The following PBX1 variants were observed in gnomAD, a reference collection of about 807,000 sequenced individuals.
PBX1 encodes the protein PBX homeobox 1, also known as pre-B-cell leukemia transcription factor 1.
A neutral mutation model predicts 53.4 loss-of-function variants in PBX1; 6 were observed. That is an observed-to-expected ratio of 0.11 (90% confidence interval 0.06 to 0.22). The LOEUF is 0.22. Ranked by LOEUF, PBX1 falls within the 10% of genes least tolerant of loss-of-function variation. PBX1 has a pLI of 1.00. For missense variants in PBX1, 251 were observed against 551.4 expected (o/e 0.46, Z 5.46); for synonymous variants, 204 against 212.3 (o/e 0.96, Z 0.34).
At chr1:164,858,554 G>A (rs1672026143) in intron 2 of PBX1, among the ~76,000 whole-genome samples, 1 of 152,038 alleles carries the variant, frequency 6.6e-6, no homozygotes, top group African/African-American at 2.4e-5. Context: ...TGTGGTAGGG[G>A]TCTCAAGCCT....
rs537270912 is a variant in PBX1, at chr1:164,653,417, A to G, written c.265+90106A>G. On this transcript the variant is annotated intron_variant, in intron 2 of 8. Transcript: ENST00000420696. ...TACAATTTTTTTATAAGCGTTTTAG[A>G]GCACATGGGTGATGGCCTGGCTCCC... Among the ~76,000 whole-genome samples the G allele has an allele frequency of 3.6e-3, 553 of 151,738 alleles. 3 individuals carry two copies. Among genetic ancestry groups the G allele is most frequent in the African/African-American group, 0.012 (503 of 41,374 alleles).
Position 164,846,853 on chromosome 1 carries a change from T to C in PBX1, c.*177T>C. On this transcript the variant is annotated 3_prime_UTR_variant, in exon 9 of 9. Coordinates refer to ENST00000420696, the MANE Select transcript of PBX1 (RefSeq NM_002585.4). ...TGCTATTTCAGCCAATCTGGACACT[T>C]CTTTATACTCTCTTCCCTTTTTTTT... The C allele has an allele frequency of 7.0e-7, 1 of 1,426,970 alleles. No homozygotes were observed. 88.4% of individuals were successfully genotyped at this position (1,426,970 alleles called of 1,614,324 possible). A position where few individuals can be genotyped will look rare whatever the true frequency, so the allele number is the denominator to read the frequency against.
chr1:164,786,414 C>T lies in PBX1; in HGVS notation c.266-6080C>T, dbSNP rs115997108. On this transcript the variant is annotated intron_variant, in intron 2 of 8. Coordinates refer to ENST00000420696, the MANE Select transcript of PBX1 (RefSeq NM_002585.4). ...TCATTTTCGGCTCTTCTCGTCAGGG[C>T]AGATTTCATGAAGGATTTTGAGCTG... is the stretch of plus-strand genomic sequence containing the variant. 6.1e-3 allele frequency among the ~76,000 whole-genome samples: 927 copies of T among 152,062 alleles called. 8 individuals carry two copies. Among genetic ancestry groups the T allele is most frequent in the African/African-American group, 0.021 (888 of 41,466 alleles).
intron 2 of PBX1, among the ~76,000 whole-genome samples, chr1:164,739,831 A>T (rs1665510220): frequency 6.6e-6 from 1 of 151,778 alleles, no homozygotes; most frequent in South Asian, 2.1e-4. Flanking sequence ...CATTTGTCTG[A>T]GAACTCTTTT....
intron 2 of PBX1, among the ~76,000 whole-genome samples, chr1:164,737,606 A>G (rs757408219): frequency 1.4e-4 from 21 of 151,878 alleles, no homozygotes; most frequent in Non-Finnish European, 2.2e-4. Context: ...AGCCTCCTGA[A>G]TAGCTGGGAC....
chr1:164,637,776 C>T (rs1476455328), intron 2 of PBX1, among the ~76,000 whole-genome samples: 1 of 152,152 alleles, frequency 6.6e-6, no homozygotes, highest in East Asian at 1.9e-4. Context: ...CACTAAATGG[C>T]AGATCCTGGG....
At chr1:164,687,590 A>G (rs932180418) in intron 2 of PBX1, among the ~76,000 whole-genome samples, 8 of 149,200 alleles carry the variant, frequency 5.4e-5, no homozygotes, top group African/African-American at 1.5e-4. Context: ...AAAAGGAAAT[A>G]GTTTAGTGTC....
At chr1:164,568,772 T>C (rs1260043721) in intron 2 of PBX1, among the ~76,000 whole-genome samples, 1 of 152,226 alleles carries the variant, frequency 6.6e-6, no homozygotes, top group African/African-American at 2.4e-5. Context: ...TCTCTGGTTG[T>C]ATCTTTGCCC....
intron 8 of PBX1, among the ~76,000 whole-genome samples, chr1:164,824,018 C>T (rs1670296252): frequency 6.6e-6 from 1 of 151,904 alleles, no homozygotes; most frequent in Non-Finnish European, 1.5e-5. Context: ...GGAGGGGAGA[C>T]AAGAAGAGAC....
chr1:164,600,051 T>G (rs1218905881), intron 2 of PBX1, among the ~76,000 whole-genome samples: 1 of 152,118 alleles, frequency 6.6e-6, no homozygotes. Flanking sequence ...GTCCTAATGT[T>G]GAGTACTTTA....
intron 2 of PBX1, among the ~76,000 whole-genome samples, chr1:164,599,324 C>G (rs894088542): frequency 6.6e-6 from 1 of 151,976 alleles, no homozygotes; most frequent in Non-Finnish European, 1.5e-5. Context: ...AGATTCTGAG[C>G]TTGACCTTCC....
intron 2 of PBX1, among the ~76,000 whole-genome samples, chr1:164,579,329 C>T (rs1004337204): frequency 6.6e-6 from 1 of 151,298 alleles, no homozygotes; most frequent in African/African-American, 2.5e-5. Flanking sequence ...TTAGCGTCAT[C>T]TTTCACTTTC....
chr1:164,807,605 T>C lies in PBX1; in HGVS notation c.765T>C (p.His255=), dbSNP rs751981086. The C allele has an allele frequency of 6.2e-7, 1 of 1,614,148 alleles. No individual in the cohort carries two copies. The highest frequency in any genetic ancestry group is 1.1e-5 in the South Asian group (1 of 91,078). The part of the protein sequence containing the change: ...TEILNEYFYS[H]LSNPYPSEEA... ...TCCTGAATGAATATTTCTATTCCCA[T>C]CTCAGCAACCCTTACCCCAGTGAGG... Residue 255 remains histidine (H), a synonymous_variant, in exon 5 of 9, where the codon CAT becomes CAC. Coordinates refer to ENST00000420696, the MANE Select transcript of PBX1 (RefSeq NM_002585.4).
chr1:164,725,111 C>G (rs561150194), intron 2 of PBX1, among the ~76,000 whole-genome samples: 1 of 152,110 alleles, frequency 6.6e-6, no homozygotes, highest in East Asian at 1.9e-4. Context: ...CCCCCACCCC[C>G]TTCCTGCATC....
chr1:164,666,791 AAAT>A (rs1660834421), intron 2 of PBX1, among the ~76,000 whole-genome samples: 1 of 152,208 alleles, frequency 6.6e-6, no homozygotes, highest in Admixed American at 6.5e-5. Flanking sequence ...AAAGTAGTAA[AAAT>A]AAATAATAAT....
At chr1:164,659,783 G>A (rs1304149061) in intron 2 of PBX1, among the ~76,000 whole-genome samples, 2 of 152,220 alleles carry the variant, frequency 1.3e-5, no homozygotes, top group Non-Finnish European at 2.9e-5. Context: ...TACTACAGAT[G>A]CCTCAGAGGT....
chr1:164,585,127 A>C (rs1315743327), intron 2 of PBX1, among the ~76,000 whole-genome samples: 3 of 152,192 alleles, frequency 2.0e-5, no homozygotes, highest in African/African-American at 7.2e-5. Context: ...GAAAGAATGG[A>C]ATGGACATCT....
At chr1:164,665,224 G>A (rs1312522725) in intron 2 of PBX1, among the ~76,000 whole-genome samples, 7 of 152,040 alleles carry the variant, frequency 4.6e-5, no homozygotes, top group Admixed American at 6.6e-5. Context: ...AAATAAAAAA[G>A]TATTAAACAT....
rs149252463 is a variant in PBX1, at chr1:164,871,090, G to A, written n.258-28098G>A. The stretch of plus-strand genomic sequence containing the variant: ...AAGTCAGCCAAAGACAGAGGGGAAG[G>A]ATCAGACAGGTTCCCCATCCTTTTG... On this transcript the variant is annotated intron_variant and non_coding_transcript_variant, in intron 2 of 2. Transcript: ENST00000558796. Among the ~76,000 whole-genome samples the A allele has an allele frequency of 1.8e-3, 267 of 152,338 alleles. 2 individuals are homozygous for A. Among genetic ancestry groups the A allele is most frequent in the African/African-American group, 6.3e-3 (260 of 41,580 alleles).
Sources: allele counts gnomAD v4.1 joint callset (sites outside exome capture counted in the v4.1 genomes callset), GRCh38; gene constraint gnomAD v4.1.1; transcripts MANE v1.5; gene names NCBI Gene and HGNC (gene_info 2026-07-23, HGNC 2026-07-21).